The following ANKFN1 variants were observed in gnomAD, a reference collection of about 807,000 sequenced individuals.
The protein encoded by ANKFN1 is ankyrin repeat and fibronectin type-III domain-containing protein 1.
A neutral mutation model predicts 108.7 loss-of-function variants in ANKFN1; 74 were observed. That is an observed-to-expected ratio of 0.68 (90% CI 0.56 to 0.83). The LOEUF (loss-of-function observed/expected upper bound fraction) is 0.83, where lower values mean the gene tolerates loss of function less well. Ranked by LOEUF, ANKFN1 falls within the 40% of genes least tolerant of loss-of-function variation. The pLI, the probability that ANKFN1 is intolerant of heterozygous loss-of-function variation, is 0.00. For synonymous variants in ANKFN1, 547 were observed against 516.2 expected, an observed-to-expected ratio of 1.06 and a Z score of -0.81; for missense variants, 1,505 against 1,382.3, an observed-to-expected ratio of 1.09 and a Z score of -1.41.
intron 4 of ANKFN1, among the ~76,000 whole-genome samples, chr17:56,131,893 T>G (rs181380476): frequency 1.7e-4 from 26 of 152,302 alleles, no homozygotes; most frequent in African/African-American, 4.8e-4. Flanking sequence ...AACATTATAG[T>G]GAATCTTTGA....
intron 17 of ANKFN1, among the ~76,000 whole-genome samples, chr17:56,481,572 C>A (rs773703439): frequency 4.0e-5 from 6 of 151,888 alleles, no homozygotes; most frequent in Non-Finnish European, 7.4e-5. Context: ...ATTAGAGGAG[C>A]GACTGGCTCT....
intron 8 of ANKFN1, among the ~76,000 whole-genome samples, chr17:56,400,825 C>T (rs1176308143): frequency 6.6e-6 from 1 of 152,070 alleles, no homozygotes; most frequent in Non-Finnish European, 1.5e-5. Flanking sequence ...ATTATCCCAG[C>T]ACCATTTGTT....
At chr17:56,174,422 AG>A (rs1241075005) in intron 1 of ANKFN1, 1 of 984,952 alleles carries the variant, frequency 1.0e-6, no homozygotes, top group African/African-American at 1.7e-5. Context: ...AAATCTTCCA[AG>A]CAGTGATCTT....
intron 8 of ANKFN1, among the ~76,000 whole-genome samples, chr17:56,376,444 C>G (rs968312619): frequency 6.6e-6 from 1 of 152,166 alleles, no homozygotes; most frequent in African/African-American, 2.4e-5. Context: ...GATACCTTTT[C>G]TTGGTTGTCT....
chr17:56,296,293 T>C (rs1040423615), intron 3 of ANKFN1, among the ~76,000 whole-genome samples: 2 of 152,112 alleles, frequency 1.3e-5, no homozygotes, highest in African/African-American at 4.8e-5. Flanking sequence ...CCATTTAAGA[T>C]TCTCCAAAAA....
chr17:56,123,400 G>A (rs1906737712), intron 4 of ANKFN1, among the ~76,000 whole-genome samples: 2 of 152,212 alleles, frequency 1.3e-5, no homozygotes, highest in South Asian at 4.1e-4. Context: ...GAGGGCAGCG[G>A]TAGGAATATG....
chr17:56,175,615 C>G (rs985266828), intron 1 of ANKFN1, among the ~76,000 whole-genome samples: 2 of 152,202 alleles, frequency 1.3e-5, no homozygotes, highest in African/African-American at 4.8e-5. Context: ...AGATCCCCAC[C>G]TGCCTTCACT....
chr17:56,384,280 C>G (rs1035617004), intron 8 of ANKFN1, among the ~76,000 whole-genome samples: 6 of 152,032 alleles, frequency 3.9e-5, no homozygotes, highest in African/African-American at 7.3e-5. Context: ...ATTCAACAAC[C>G]CTTCATGCTA....
At chr17:56,487,851 C>T (rs918367672) in intron 18 of ANKFN1, among the ~76,000 whole-genome samples, 1 of 152,024 alleles carries the variant, frequency 6.6e-6, no homozygotes, top group African/African-American at 2.4e-5. Context: ...AAAAGGCAGG[C>T]AGAAAAGGAA....
intron 1 of ANKFN1, among the ~76,000 whole-genome samples, chr17:56,196,902 T>A (rs1187366421): frequency 1.3e-5 from 2 of 152,258 alleles, no homozygotes; most frequent in African/African-American, 4.8e-5. Context: ...AATGACCCTT[T>A]CTAACCTGGC....
At chr17:56,322,799 T>G (rs1188033129) in intron 3 of ANKFN1, among the ~76,000 whole-genome samples, 2 of 152,226 alleles carry the variant, frequency 1.3e-5, no homozygotes, top group Admixed American at 6.5e-5. Flanking sequence ...TGCTCATACT[T>G]TTTTATGGCA....
intron 4 of ANKFN1, among the ~76,000 whole-genome samples, chr17:56,128,036 C>T (rs1907039790): frequency 6.6e-6 from 1 of 152,188 alleles, no homozygotes. Flanking sequence ...TTTATTTCAG[C>T]ACCAGTCCTC....
At chr17:56,181,345 A>G (rs1050285069) in intron 1 of ANKFN1, among the ~76,000 whole-genome samples, 2 of 152,218 alleles carry the variant, frequency 1.3e-5, no homozygotes, top group Non-Finnish European at 2.9e-5. Flanking sequence ...AGCAATAACT[A>G]CTAGTTATCA....
chr17:56,126,476 T>C (rs913031481), intron 4 of ANKFN1, among the ~76,000 whole-genome samples: 1 of 152,210 alleles, frequency 6.6e-6, no homozygotes, highest in African/African-American at 2.4e-5. Flanking sequence ...GCTACATTCC[T>C]TGGATGGCTC....
Position 56,510,879 on chromosome 17 carries a change from G to T in ANKFN1, c.3051G>T (p.Trp1017Cys), listed in dbSNP as rs1567717694. 9 of 1,536,170 alleles carry T rather than the reference G, an allele frequency of 5.9e-6. No individual in the cohort carries two copies. The highest frequency in any genetic ancestry group is 7.8e-6 in the Non-Finnish European group (9 of 1,146,912). ...HYGGFSRHHR[W>C]LRIHSETQSL... ...GCGGCTTCAGCCGCCATCATCGCTG[G>T]TTGCGCATCCACAGCGAGACCCAGT... The change falls in exon 21 of 21, where the codon TGG (tryptophan) becomes TGT (cysteine). Residue 1017 changes from tryptophan (W) to cysteine (C), a missense_variant. Coordinates refer to ENST00000682825, the MANE Select transcript of ANKFN1 (RefSeq NM_001370326.1).
chr17:56,510,245 CCCTTACGCTAA>C (rs1183230682), intron 20 of ANKFN1, among the ~76,000 whole-genome samples: 1 of 152,202 alleles, frequency 6.6e-6, no homozygotes, highest in Non-Finnish European at 1.5e-5. Flanking sequence ...TCTTTCCTTT[CCCTTACGCTAA>C]GACCAGAGCC....
intron 4 of ANKFN1, among the ~76,000 whole-genome samples, chr17:56,050,162 A>G (rs1158845030): frequency 6.6e-6 from 1 of 150,850 alleles, no homozygotes; most frequent in African/African-American, 2.4e-5. Flanking sequence ...GCATTTTTTC[A>G]TGTGTTTTTT....
intron 8 of ANKFN1, among the ~76,000 whole-genome samples, chr17:56,403,728 C>CT (rs2047833933): frequency 6.6e-6 from 1 of 151,672 alleles, no homozygotes; most frequent in Non-Finnish European, 1.5e-5. Flanking sequence ...TTGTTTTTTT[C>CT]TTTTTAACTT....
chr17:56,049,659 G>A (rs1482757912), intron 4 of ANKFN1, among the ~76,000 whole-genome samples: 3 of 149,482 alleles, frequency 2.0e-5, no homozygotes, highest in Non-Finnish European at 2.9e-5. Context: ...TTTTGTTCTT[G>A]CGATAGTTTA....
Sources: gnomAD v4.1 joint callset for allele counts (sites outside exome capture counted in the v4.1 genomes callset) on GRCh38, gnomAD v4.1.1 for gene constraint, MANE v1.5 for transcripts, NCBI Gene and HGNC (gene_info 2026-07-23, HGNC 2026-07-21) for gene names.